ZFHX3: variants seen among roughly 807,000 people sequenced by gnomAD.
ZFHX3 encodes zinc finger homeobox 3, also known as zinc finger homeobox protein 3.
ZFHX3 carries 42 observed loss-of-function variants against 279.1 expected under a neutral mutation model. That is an observed-to-expected ratio of 0.15 (90% CI 0.12 to 0.19). The LOEUF is 0.19. Ranked by LOEUF, ZFHX3 falls within the 10% of genes least tolerant of loss-of-function variation. ZFHX3 has a pLI of 1.00. For synonymous variants in ZFHX3, 2,293 were observed against 1,957.8 expected, an observed-to-expected ratio of 1.17 and a Z score of -4.52; for missense variants, 4,981 against 4,754.0, an observed-to-expected ratio of 1.05 and a Z score of -1.40.
At chr16:73,744,801 G>T (rs563935548) in intron 1 of ZFHX3, among the ~76,000 whole-genome samples, 1 of 151,938 alleles carries the variant, frequency 6.6e-6, no homozygotes, top group African/African-American at 2.4e-5. Flanking sequence ...AAATTTCCTC[G>T]TGTTATTTCA....
chr16:73,725,518 C>T (rs2053510763), intron 1 of ZFHX3, among the ~76,000 whole-genome samples: 1 of 141,900 alleles, frequency 7.0e-6, no homozygotes, highest in South Asian at 2.4e-4. Context: ...TCACTACCTC[C>T]AACAGAGTGT....
At chr16:72,973,897 AG>A (rs1470929589) in intron 1 of ZFHX3, 8 of 152,142 alleles carry the variant, frequency 5.3e-5, no homozygotes, top group African/African-American at 1.9e-4. Flanking sequence ...ACTCGGAAGG[AG>A]AAAAAATCAG....
intron 3 of ZFHX3, among the ~76,000 whole-genome samples, chr16:73,364,929 C>T (rs1320632305): frequency 6.6e-6 from 1 of 152,204 alleles, no homozygotes; most frequent in African/African-American, 2.4e-5. Context: ...CCATGGTCCA[C>T]CTGTAGAATG....
chr16:73,227,017 C>T (rs1422068692), intron 5 of ZFHX3, among the ~76,000 whole-genome samples: 2 of 152,106 alleles, frequency 1.3e-5, no homozygotes, highest in Non-Finnish European at 2.9e-5. Context: ...ACATTTTATG[C>T]TGAAATTACA....
At chr16:73,803,006 G>T (rs59844697) in intron 1 of ZFHX3, among the ~76,000 whole-genome samples, 39,431 of 151,926 alleles carry the variant, frequency 0.26, 5,365 homozygotes, top group South Asian at 0.45. Flanking sequence ...TAGTAGAGAT[G>T]GCCAGGCTGG....
At chr16:72,790,669 G>C (rs906621488) in intron 9 of ZFHX3, 4 of 152,250 alleles carry the variant, frequency 2.6e-5, no homozygotes, top group Admixed American at 1.3e-4. Context: ...TAAGACACCA[G>C]AGAAGATATG....
At chr16:73,543,885 G>GGAGAGGGGGAGAGA (rs1203799448) in intron 2 of ZFHX3, 1 of 136,454 alleles carries the variant, frequency 7.3e-6, no homozygotes, top group South Asian at 2.3e-4. Flanking sequence ...AGCGAGAGAG[G>GGAGAGGGGGAGAGA]GAGAGAGAGA....
intron 5 of ZFHX3, among the ~76,000 whole-genome samples, chr16:73,224,719 G>A (rs116921663): frequency 1.3e-5 from 2 of 152,152 alleles, no homozygotes; most frequent in Non-Finnish European, 2.9e-5. Flanking sequence ...TCAAACACAG[G>A]CTCATGTATG....
At chr16:73,755,561 T>C (rs1421284207) in intron 1 of ZFHX3, among the ~76,000 whole-genome samples, 2 of 152,216 alleles carry the variant, frequency 1.3e-5, no homozygotes, top group African/African-American at 4.8e-5. Context: ...TCAATTTTTT[T>C]TAAAATGCAG....
At chr16:73,789,668 G>A (rs778659292) in intron 1 of ZFHX3, among the ~76,000 whole-genome samples, 1 of 152,036 alleles carries the variant, frequency 6.6e-6, no homozygotes, top group Non-Finnish European at 1.5e-5. Flanking sequence ...CACAGCAGAG[G>A]GGCAGATATG....
At chr16:73,407,404 T>C (rs955892668) in intron 3 of ZFHX3, among the ~76,000 whole-genome samples, 1 of 152,188 alleles carries the variant, frequency 6.6e-6, no homozygotes, top group Non-Finnish European at 1.5e-5. Context: ...GGTCCTTTGT[T>C]CCATGGCCTG....
chr16:73,677,251 A>C (rs2052964521), intron 2 of ZFHX3, among the ~76,000 whole-genome samples: 1 of 151,922 alleles, frequency 6.6e-6, no homozygotes, highest in South Asian at 2.1e-4. Context: ...TCATAAAATC[A>C]ACCACTTTAA....
At chr16:73,819,110 G>C (rs1377815582) in intron 1 of ZFHX3, among the ~76,000 whole-genome samples, 1 of 151,998 alleles carries the variant, frequency 6.6e-6, no homozygotes, top group African/African-American at 2.4e-5. Context: ...GCTAGTAATT[G>C]CTATGCAGTC....
Position 73,715,562 on chromosome 16 carries a change from C to CTT in ZFHX3, c.-1607-35324_-1607-35323dup, listed in dbSNP as rs949665075. On this transcript the variant is annotated intron_variant, in intron 1 of 17. Transcript: ENST00000641206. Reference sequence around the variant, plus strand: ...CAAGTTAGCAAGTACCACAGCTGGTCTTTTTTTTTTTTTTTTTTTTTTTTT... The same window carrying CTT: ...CAAGTTAGCAAGTACCACAGCTGGTCTTTTTTTTTTTTTTTTTTTTTTTTTTT... Among the ~76,000 whole-genome samples the CTT allele has an allele frequency of 5.0e-3, 314 of 63,022 alleles. 57 individuals are homozygous for CTT. Among genetic ancestry groups the CTT allele is most frequent in the African/African-American group, 0.015 (207 of 13,572 alleles). The allele number at this position is 63,022 out of a possible 152,430, so 41.3% of individuals were successfully genotyped here.
At chr16:73,876,786 G>C (rs1404649012) in intron 1 of ZFHX3, among the ~76,000 whole-genome samples, 2 of 152,120 alleles carry the variant, frequency 1.3e-5, no homozygotes, top group East Asian at 3.9e-4. Context: ...CAACCCCCTA[G>C]AAGAGGTCTA....
intron 2 of ZFHX3, among the ~76,000 whole-genome samples, chr16:73,482,545 C>T (rs936669733): frequency 7.2e-5 from 11 of 152,314 alleles, no homozygotes; most frequent in African/African-American, 2.6e-4. Flanking sequence ...CTCGGGAAGC[C>T]TCTCCAGGCT....
chr16:73,764,561 C>T (rs948492660), intron 1 of ZFHX3, among the ~76,000 whole-genome samples: 1 of 152,086 alleles, frequency 6.6e-6, no homozygotes, highest in Admixed American at 6.5e-5. Flanking sequence ...TCATGCTTCA[C>T]GCTTCCAAGG....
intron 3 of ZFHX3, among the ~76,000 whole-genome samples, chr16:73,325,159 A>C (rs999332585): frequency 1.3e-5 from 2 of 152,194 alleles, no homozygotes; most frequent in East Asian, 1.9e-4. Flanking sequence ...GCAAGAGGCA[A>C]TATGGTAGCT....
At chr16:73,190,733 C>T (rs949857228) in intron 5 of ZFHX3, among the ~76,000 whole-genome samples, 4 of 152,038 alleles carry the variant, frequency 2.6e-5, no homozygotes, top group South Asian at 2.1e-4. Flanking sequence ...TGCTTTGAAC[C>T]GTTTTATCCG....
Sources: allele counts gnomAD v4.1 joint callset (sites outside exome capture counted in the v4.1 genomes callset), GRCh38; gene constraint gnomAD v4.1.1; transcripts MANE v1.5; gene names NCBI Gene and HGNC (gene_info 2026-07-23, HGNC 2026-07-21).